Variants in ERAP1 observed in about 807,000 individuals in gnomAD.
The protein encoded by ERAP1 is adipocyte-derived leucine aminopeptidase.
Under a neutral mutation model 103.7 loss-of-function variants are expected in ERAP1, and 86 were observed. The observed-to-expected ratio is 0.83, with a 90% confidence interval of 0.70 to 0.99. ERAP1 has a LOEUF of 0.99. Among genes scored for constraint, ERAP1 ranks in the 50% least tolerant of loss-of-function variants. The pLI is 0.00. For missense variants in ERAP1, 1,009 were observed against 1,128.4 expected, an observed-to-expected ratio of 0.89 and a Z score of 1.52; for synonymous variants, 398 against 402.4, an observed-to-expected ratio of 0.99 and a Z score of 0.13.
the ERAP1 span, among the ~76,000 whole-genome samples, chr5:96,852,333 T>C: frequency 1.3e-5 from 2 of 152,128 alleles, no homozygotes; most frequent in African/African-American, 4.8e-5. Context: ...CTCCCATCTG[T>C]GTGTAATATT....
the ERAP1 span, chr5:96,903,431 A>G: frequency 1.2e-6 from 2 of 1,613,776 alleles, no homozygotes; most frequent in Admixed American, 1.7e-5. Flanking sequence ...GTGGACTCAA[A>G]TGGTTACTAC....
chr5:96,892,359 A>G, the ERAP1 span: 143 of 1,613,942 alleles, frequency 8.9e-5, no homozygotes, highest in Middle Eastern at 8.2e-4. Flanking sequence ...CTCATTACAT[A>G]TAGGGAGACG....
the ERAP1 span, chr5:96,848,874 A>C: frequency 1.6e-5 from 2 of 126,234 alleles, no homozygotes; most frequent in African/African-American, 2.8e-5. Context: ...TAGATGCAAA[A>C]ATTTTTAATA....
At chr5:96,771,238 G>GTACTT (rs1397863063), downstream of ERAP1, among the ~76,000 whole-genome samples, 3 of 152,118 alleles carry the variant, frequency 2.0e-5, no homozygotes, top group Admixed American at 6.5e-5. Flanking sequence ...GTTATACGAA[G>GTACTT]TACTTAATCA....
the ERAP1 span, among the ~76,000 whole-genome samples, chr5:96,916,675 A>T: frequency 6.6e-6 from 1 of 151,160 alleles, no homozygotes; most frequent in East Asian, 1.9e-4. Context: ...TCACTGTGTT[A>T]GCCAGGGTGG....
rs770344700 is a variant in ERAP1 at position 96,776,462 on chromosome 5, A to C, written c.2760T>G (p.Gly920=). The C allele has an allele frequency of 2.5e-6, 4 of 1,614,154 alleles. No homozygotes were observed. The highest frequency in any genetic ancestry group is 2.5e-6 in the Non-Finnish European group (3 of 1,180,034). ...TTTTATCAAAATTCTTATCCATCCA[A>C]CCGATGTTTTCTTCAATGGTTTCAA... ...QTIETIEENI[G]WMDKNFDKIR... is the part of the protein sequence containing the mutation. The change falls in exon 19 of 19, where the codon GGT becomes GGG. Residue 920 remains glycine (G), a synonymous_variant. Coordinates refer to ENST00000443439, the MANE Select transcript of ERAP1 (RefSeq NM_001040458.3).
chr5:96,876,130 G>A, the ERAP1 span: 1 of 152,610 alleles, frequency 6.6e-6, no homozygotes, highest in Non-Finnish European at 1.5e-5. Context: ...ATGGGCAGAA[G>A]TCAGATTTCA....
the ERAP1 span, among the ~76,000 whole-genome samples, chr5:96,933,445 C>G: frequency 3.3e-5 from 5 of 151,890 alleles, no homozygotes; most frequent in Non-Finnish European, 7.4e-5. Flanking sequence ...TCCTTCATGT[C>G]TTTGTGTGTG....
the ERAP1 span, among the ~76,000 whole-genome samples, chr5:96,845,650 T>C: frequency 6.6e-6 from 1 of 152,262 alleles, no homozygotes; most frequent in African/African-American, 2.4e-5. Flanking sequence ...TATATTTGCC[T>C]ATTCAAACTT....
the ERAP1 span, chr5:96,915,721 C>T: frequency 2.5e-6 from 4 of 1,594,690 alleles, no homozygotes; most frequent in Non-Finnish European, 3.4e-6. Context: ...TAAGGATGAT[C>T]ATCTCTGGCA....
intron 11 of ERAP1, among the ~76,000 whole-genome samples, chr5:96,788,103 GACAA>G (rs1248942728): frequency 6.6e-6 from 1 of 152,058 alleles, no homozygotes; most frequent in Non-Finnish European, 1.5e-5. Context: ...GCATTAAGCT[GACAA>G]ACAGGTTCCA....
chr5:96,820,019 A>G, the ERAP1 span, among the ~76,000 whole-genome samples: 2 of 152,330 alleles, frequency 1.3e-5, no homozygotes, highest in African/African-American at 2.4e-5. Context: ...ATGTGGGCCA[A>G]TGACTCAGAA....
chr5:96,808,004 A>T (rs1463904833), upstream of ERAP1: 4 of 985,444 alleles, frequency 4.1e-6, no homozygotes, highest in Non-Finnish European at 4.8e-6. Context: ...CCCTAGCGGC[A>T]GGCGGGGAAG....
chr5:96,879,737 A>T, the ERAP1 span: 2 of 1,614,196 alleles, frequency 1.2e-6, no homozygotes, highest in South Asian at 2.2e-5. Flanking sequence ...AATGTTTAAC[A>T]TTCACAGAGG....
At chr5:96,887,505 G>T in the ERAP1 span, among the ~76,000 whole-genome samples, 3 of 152,050 alleles carry the variant, frequency 2.0e-5, no homozygotes, top group African/African-American at 7.2e-5. Context: ...TCACCATGTT[G>T]ACCAGGCTGG....
At chr5:96,923,359 T>G in the ERAP1 span, among the ~76,000 whole-genome samples, 1 of 152,096 alleles carries the variant, frequency 6.6e-6, no homozygotes. Context: ...ACAGCAACAG[T>G]GCTGGCCTTG....
the ERAP1 span, among the ~76,000 whole-genome samples, chr5:96,920,292 T>C: frequency 3.5e-5 from 5 of 144,590 alleles, no homozygotes; most frequent in Admixed American, 3.5e-4. Context: ...GTGACAGAGC[T>C]AGACCCTGTC....
In ERAP1 at chr5:96,792,149, T is replaced by A; in HGVS notation, c.1232A>T (p.Asp411Val). 6.2e-7 allele frequency: 1 copy of A among 1,613,852 alleles called. No homozygotes were observed. The highest frequency in any genetic ancestry group is 8.5e-7 in the Non-Finnish European group (1 of 1,179,730). Residue 411 changes from aspartate (D) to valine (V), a missense_variant, in exon 8 of 19, where the codon GAT becomes GTT. Around this residue, in one of 3 missense-constraint regions of ERAP1, gnomAD observed 611 missense variants for 651.7 expected, o/e 0.94. Transcript: ENST00000443439. The part of the protein sequence containing the change: ...FGKCFDAMEV[D>V]ALNSSHPVST... Reference sequence around the variant, plus strand: ...CACAGGGTGTGAGGAATTTAAAGCATCTACCTCCATTGCGTCAAAACATTT... The same window carrying A: ...CACAGGGTGTGAGGAATTTAAAGCAACTACCTCCATTGCGTCAAAACATTT...
At chr5:96,862,963 G>A in the ERAP1 span, among the ~76,000 whole-genome samples, 1 of 152,082 alleles carries the variant, frequency 6.6e-6, no homozygotes, top group Non-Finnish European at 1.5e-5. Context: ...ACCCTCACCC[G>A]TATCTGGGTT....
Sources: gnomAD v4.1 joint callset for allele counts (sites outside exome capture counted in the v4.1 genomes callset) on GRCh38, gnomAD v4.1.1 for gene constraint, gnomAD v4.1.1 regional missense constraint, MANE v1.5 for transcripts, NCBI Gene and HGNC (gene_info 2026-07-23, HGNC 2026-07-21) for gene names.